The following FBXW8 variants were observed in gnomAD, a reference collection of about 807,000 sequenced individuals.
FBXW8 encodes F-box and WD repeat domain containing 8.
Under a neutral mutation model 65.3 loss-of-function variants are expected in FBXW8, and 57 were observed. The ratio of observed to expected loss-of-function variants is 0.87; its 90% CI spans 0.71 to 1.09. FBXW8 has a LOEUF of 1.09. Ranked by LOEUF, FBXW8 falls within the 50% of genes least tolerant of loss-of-function variation. The pLI is 0.00. For missense variants in FBXW8, 777 were observed against 814.8 expected, an observed-to-expected ratio of 0.95 and a Z score of 0.57; for synonymous variants, 308 against 330.2, an observed-to-expected ratio of 0.93 and a Z score of 0.73.
intron 1 of FBXW8, among the ~76,000 whole-genome samples, chr12:116,915,628 C>G (rs916471466): frequency 7.3e-6 from 1 of 137,312 alleles, no homozygotes; most frequent in African/African-American, 2.6e-5. Context: ...AGGGTAACCA[C>G]TCACCTGACT....
chr12:117,011,428 T>G (rs1047872696), intron 8 of FBXW8, among the ~76,000 whole-genome samples: 1 of 152,186 alleles, frequency 6.6e-6, no homozygotes, highest in African/African-American at 2.4e-5. Context: ...AAGGAAATGA[T>G]GTGAGTATGC....
chr12:116,940,153 T>C (rs1882460944), intron 2 of FBXW8, among the ~76,000 whole-genome samples: 1 of 152,184 alleles, frequency 6.6e-6, no homozygotes, highest in African/African-American at 2.4e-5. Context: ...GCTGTGGCCA[T>C]GCCCAGGGTG....
intron 7 of FBXW8, among the ~76,000 whole-genome samples, chr12:116,996,782 C>T (rs879412810): frequency 1.1e-4 from 17 of 152,078 alleles, no homozygotes; most frequent in Non-Finnish European, 7.4e-5. Flanking sequence ...GTGAGGGTTG[C>T]CGTCATTGTT....
At chr12:117,014,637 C>A (rs1363846758) in intron 8 of FBXW8, among the ~76,000 whole-genome samples, 1 of 152,190 alleles carries the variant, frequency 6.6e-6, no homozygotes, top group Non-Finnish European at 1.5e-5. Flanking sequence ...GTTCAGACGG[C>A]AAGTTCTGTT....
At chr12:117,011,417 C>G (rs1478247016) in intron 8 of FBXW8, among the ~76,000 whole-genome samples, 1 of 152,142 alleles carries the variant, frequency 6.6e-6, no homozygotes, top group Non-Finnish European at 1.5e-5. Flanking sequence ...CAACTTAGAG[C>G]AAGGAAATGA....
chr12:116,920,002 A>G (rs955442869), intron 1 of FBXW8, among the ~76,000 whole-genome samples: 15 of 152,344 alleles, frequency 9.8e-5, no homozygotes, highest in Admixed American at 3.9e-4. Context: ...ATGCAGTGAG[A>G]CAGCAAACCA....
At chr12:116,923,505 A>G (rs1290955420) in intron 1 of FBXW8, among the ~76,000 whole-genome samples, 1 of 151,734 alleles carries the variant, frequency 6.6e-6, no homozygotes, top group Non-Finnish European at 1.5e-5. Context: ...CTATTCAACT[A>G]CTGCAAAATT....
At chr12:116,911,536 A>G (rs1193538761) in intron 1 of FBXW8, among the ~76,000 whole-genome samples, 181 bp downstream of exon 1, 9 of 152,120 alleles carry the variant, frequency 5.9e-5, no homozygotes, top group African/African-American at 2.2e-4. Context: ...CTTCCCAACC[A>G]GGGCGATTTT....
At chr12:116,927,074 C>G (rs762071426) in intron 1 of FBXW8, among the ~76,000 whole-genome samples, 2 of 152,114 alleles carry the variant, frequency 1.3e-5, no homozygotes, top group Non-Finnish European at 2.9e-5. Context: ...TTTTATTAAG[C>G]GAGTGCTGTT....
chr12:116,966,439 G>A (rs1160369517), intron 5 of FBXW8, among the ~76,000 whole-genome samples: 3 of 152,168 alleles, frequency 2.0e-5, no homozygotes, highest in Non-Finnish European at 2.9e-5. Context: ...AGCCAGGTAG[G>A]TTGAAGTCAG....
chr12:116,928,002 T>TTC (rs1338247076), intron 1 of FBXW8, 21 bp from the exon 2 acceptor site: 1 of 1,456,420 alleles, frequency 6.9e-7, no homozygotes, highest in East Asian at 2.3e-5. Flanking sequence ...ATAAACTTCT[T>TTC]TCTTTTTTTT....
At chr12:117,008,836 C>T (rs969874865) in intron 7 of FBXW8, among the ~76,000 whole-genome samples, 1 of 152,182 alleles carries the variant, frequency 6.6e-6, no homozygotes, top group African/African-American at 2.4e-5. Flanking sequence ...CGTGCTGGCT[C>T]ATGCCTGTAA....
At chr12:116,981,732 G>C (rs1238562568) in intron 5 of FBXW8, among the ~76,000 whole-genome samples, 3 of 152,014 alleles carry the variant, frequency 2.0e-5, no homozygotes, top group African/African-American at 7.3e-5. Context: ...TCATGCGTCA[G>C]CCTCCTGAGT....
chr12:116,968,012 C>G (rs1003117878), intron 5 of FBXW8, among the ~76,000 whole-genome samples: 1 of 152,132 alleles, frequency 6.6e-6, no homozygotes, highest in African/African-American at 2.4e-5. Context: ...AAGTGATCTG[C>G]CTGTCTTGGC....
intron 2 of FBXW8, among the ~76,000 whole-genome samples, chr12:116,932,183 A>G (rs940979631): frequency 1.3e-5 from 2 of 152,128 alleles, no homozygotes; most frequent in Admixed American, 6.5e-5. Context: ...TGGGTGTATG[A>G]TTGCTAACCA....
chr12:116,975,855 G>C (rs554281291), intron 5 of FBXW8, among the ~76,000 whole-genome samples: 2 of 152,316 alleles, frequency 1.3e-5, no homozygotes, highest in East Asian at 3.9e-4. Context: ...GATTGGAGTC[G>C]ATGAAGGAGA....
chr12:117,024,173 G>A lies in FBXW8; in HGVS notation c.1394G>A (p.Gly465Asp), dbSNP rs1317095166. ...GTGAGGATCCACGACCTCCGCAGTGGTAACATCGCCCTGTCGCTCTCCGCC... is the reference window on the plus strand; with the variant it reads ...GTGAGGATCCACGACCTCCGCAGTGATAACATCGCCCTGTCGCTCTCCGCC... Reference protein sequence around the residue: ...GRVRIHDLRSGNIALSLSAHQ... With the variant: ...GRVRIHDLRSDNIALSLSAHQ... The change falls in exon 9 of 11, where the codon GGT becomes GAT. Residue 465 changes from glycine (G) to aspartate (D), a missense_variant. Physicochemically the swap from Gly to Asp is moderately conservative, Grantham distance 94. Transcript: ENST00000652555. The A allele has an allele frequency of 2.5e-6, 4 of 1,613,972 alleles. No homozygotes were observed. Among genetic ancestry groups the A allele is most frequent in the Non-Finnish European group, 3.4e-6 (4 of 1,180,020 alleles).
intron 2 of FBXW8, among the ~76,000 whole-genome samples, chr12:116,934,777 A>C (rs1053553763): frequency 6.6e-6 from 1 of 152,160 alleles, no homozygotes; most frequent in African/African-American, 2.4e-5. Context: ...CAATTCACAA[A>C]TCTTGTTGAT....
intron 2 of FBXW8, among the ~76,000 whole-genome samples, chr12:116,937,972 A>G: frequency 6.6e-6 from 1 of 152,110 alleles, no homozygotes; most frequent in Non-Finnish European, 1.5e-5. Context: ...GAGCAAGGCC[A>G]TTCCAACTCT....
Sources: gnomAD v4.1 joint callset for allele counts (sites outside exome capture counted in the v4.1 genomes callset) on GRCh38, gnomAD v4.1.1 for gene constraint, MANE v1.5 for transcripts, NCBI Gene and HGNC (gene_info 2026-07-23, HGNC 2026-07-21) for gene names.